Variants in TENM2 observed in about 807,000 individuals in gnomAD.
TENM2 encodes teneurin-2.
In TENM2, 52 loss-of-function variants were observed where a neutral mutation model predicts 245.2. The ratio of observed to expected loss-of-function variants is 0.21; its 90% CI spans 0.17 to 0.27. TENM2 has a LOEUF of 0.27. TENM2 is among the 10% of genes least tolerant of loss of function. TENM2 has a pLI of 1.00. For synonymous variants in TENM2, 1,363 were observed against 1,438.9 expected (o/e 0.95, Z 1.19); for missense variants, 3,046 against 3,666.8 (o/e 0.83, Z 4.37).
rs1018787453 is a variant in TENM2 at position 167,682,410 on chromosome 5, G to A, written c.503-193576G>A. 1.1e-4 allele frequency among the ~76,000 whole-genome samples: 17 copies of A among 152,016 alleles called. No homozygotes were observed. In the East Asian group the frequency reaches 1.4e-3, roughly 12 times the overall value. ...ACTCCTGACCTTAGGCAACCTGCCC[G>A]CCTCAGCCTCCCAAACTGTTGGGAT... On this transcript the variant is annotated intron_variant, in intron 2 of 28. Coordinates refer to ENST00000518659, the Ensembl canonical transcript of TENM2.
At chr5:167,802,682 A>G (rs1765868247) in intron 2 of TENM2, among the ~76,000 whole-genome samples, 1 of 152,188 alleles carries the variant, frequency 6.6e-6, no homozygotes, top group Non-Finnish European at 1.5e-5. Flanking sequence ...CACACTGGGC[A>G]GTGTACATAT....
chr5:167,874,796 C>A (rs1255078013), intron 2 of TENM2, among the ~76,000 whole-genome samples: 1 of 152,210 alleles, frequency 6.6e-6, no homozygotes, highest in Admixed American at 6.5e-5. Context: ...GGGAGGACAA[C>A]TTCTTGACCC....
At chr5:167,433,331 G>A (rs1764360097) in intron 2 of TENM2, among the ~76,000 whole-genome samples, 1 of 152,028 alleles carries the variant, frequency 6.6e-6, no homozygotes, top group South Asian at 2.1e-4. Context: ...TGTACACACT[G>A]TATTATGTTA....
chr5:168,093,164 T>C (rs1020402925), intron 8 of TENM2, among the ~76,000 whole-genome samples: 12 of 152,212 alleles, frequency 7.9e-5, no homozygotes, highest in African/African-American at 2.9e-4. Flanking sequence ...GCACCTTTTC[T>C]GGGGTTCGGA....
chr5:168,088,461 A>G (rs1792646385), intron 7 of TENM2, among the ~76,000 whole-genome samples: 1 of 152,220 alleles, frequency 6.6e-6, no homozygotes, highest in Non-Finnish European at 1.5e-5. Flanking sequence ...TGAGAAATGG[A>G]GAAAATTTCA....
At chr5:167,352,243 T>C (rs1305389451) in intron 1 of TENM2, among the ~76,000 whole-genome samples, 2 of 152,180 alleles carry the variant, frequency 1.3e-5, no homozygotes, top group Non-Finnish European at 2.9e-5. Context: ...CTCTTTCCTA[T>C]TTTTCCACAG....
At chr5:168,146,935 C>G (rs1756140301) in intron 12 of TENM2, among the ~76,000 whole-genome samples, 1 of 152,246 alleles carries the variant, frequency 6.6e-6, no homozygotes, top group East Asian at 1.9e-4. Context: ...GGGACCCCCC[C>G]TTCACCTGTC....
chr5:167,050,482 C>A, the TENM2 span, among the ~76,000 whole-genome samples: 1 of 152,200 alleles, frequency 6.6e-6, no homozygotes, highest in African/African-American at 2.4e-5. Context: ...GTCTAAAAGA[C>A]AGGCACTATG....
intron 1 of TENM2, among the ~76,000 whole-genome samples, chr5:167,298,035 G>T (rs1282752390): frequency 6.6e-6 from 1 of 152,086 alleles, no homozygotes; most frequent in Non-Finnish European, 1.5e-5. Flanking sequence ...GGGCTCAGAG[G>T]CCTGACATTC....
At chr5:167,500,513 A>T (rs1351882619) in intron 2 of TENM2, among the ~76,000 whole-genome samples, 1 of 152,140 alleles carries the variant, frequency 6.6e-6, no homozygotes, top group Non-Finnish European at 1.5e-5. Context: ...ATGGATAGGA[A>T]CCAAGGTGAC....
At chr5:167,575,062 C>T (rs1195611447) in intron 2 of TENM2, among the ~76,000 whole-genome samples, 1 of 148,382 alleles carries the variant, frequency 6.7e-6, no homozygotes, top group African/African-American at 2.5e-5. Flanking sequence ...ATTCTGTGTT[C>T]ATTGCTTCTG....
At chr5:167,982,747 A>G (rs983105134) in intron 4 of TENM2, among the ~76,000 whole-genome samples, 5 of 152,148 alleles carry the variant, frequency 3.3e-5, no homozygotes, top group Admixed American at 6.5e-5. Context: ...TTGAGCACCT[A>G]CTATGAAGAG....
chr5:167,906,851 G>A (rs1776119032), intron 3 of TENM2, among the ~76,000 whole-genome samples: 1 of 152,120 alleles, frequency 6.6e-6, no homozygotes, highest in South Asian at 2.1e-4. Context: ...AGGAGGGAGT[G>A]GGGAGGAGCA....
At chr5:167,307,500 G>A (rs955869804) in intron 1 of TENM2, among the ~76,000 whole-genome samples, 1 of 152,124 alleles carries the variant, frequency 6.6e-6, no homozygotes, top group Non-Finnish European at 1.5e-5. Context: ...CACGACCACC[G>A]AATATCAGAA....
chr5:167,480,689 A>G (rs2097596567), intron 2 of TENM2, among the ~76,000 whole-genome samples: 1 of 152,164 alleles, frequency 6.6e-6, no homozygotes, highest in South Asian at 2.1e-4. Context: ...CATTTATTTT[A>G]AAACACTTTT....
intron 2 of TENM2, among the ~76,000 whole-genome samples, chr5:167,544,925 C>T (rs900040341): frequency 1.3e-5 from 2 of 152,082 alleles, no homozygotes; most frequent in African/African-American, 4.8e-5. Flanking sequence ...AAGGTATATT[C>T]TGTAAGGGCT....
intron 3 of TENM2, among the ~76,000 whole-genome samples, chr5:167,889,440 G>A (rs1195347456): frequency 6.6e-6 from 1 of 152,114 alleles, no homozygotes; most frequent in African/African-American, 2.4e-5. Flanking sequence ...TGGATACCGT[G>A]TTTTCTTCCC....
At chr5:167,569,383 G>A (rs916018106) in intron 2 of TENM2, among the ~76,000 whole-genome samples, 1 of 152,072 alleles carries the variant, frequency 6.6e-6, no homozygotes, top group Non-Finnish European at 1.5e-5. Flanking sequence ...TGTTTAAAAT[G>A]TGAATATTGT....
chr5:168,260,516 G>A (rs1768088028), intron 28 of TENM2, 103 bp downstream of exon 30: 1 of 1,379,558 alleles, frequency 7.2e-7, no homozygotes, highest in Non-Finnish European at 1.0e-6. Flanking sequence ...GAAAACATTG[G>A]AGCTGGGTAT....
Sources: allele counts gnomAD v4.1 joint callset (sites outside exome capture counted in the v4.1 genomes callset), GRCh38; gene constraint gnomAD v4.1.1; transcripts MANE v1.5; gene names NCBI Gene and HGNC (gene_info 2026-07-23, HGNC 2026-07-21).